Variants in ABCA7 observed in about 807,000 individuals in gnomAD.
ABCA7 encodes the protein phospholipid-transporting ATPase ABCA7.
Under a neutral mutation model 227.6 loss-of-function variants are expected in ABCA7, and 261 were observed. That is an observed-to-expected ratio of 1.15 (90% CI 1.04 to 1.27). The LOEUF is 1.27. Among genes scored for constraint, ABCA7 ranks in the 50% most tolerant of loss-of-function variants. ABCA7 has a pLI of 0.00. For synonymous variants in ABCA7, 1,488 were observed against 1,279.7 expected (o/e 1.16, Z -3.47); for missense variants, 3,331 against 2,924.5 (o/e 1.14, Z -3.21).
intron 10 of ABCA7, 104 bp downstream of exon 10, chr19:1,043,945 T>A (rs1254059733): frequency 6.1e-6 from 6 of 979,526 alleles, no homozygotes; most frequent in Non-Finnish European, 9.3e-6. Context: ...CACTTTTTTT[T>A]TTTTTTTTTT....
intron 40 of ABCA7, 51 bp from the exon 41 acceptor site, chr19:1,061,731 G>A (rs751386876): frequency 3.0e-5 from 44 of 1,480,394 alleles, no homozygotes; most frequent in African/African-American, 2.9e-5. Context: ...CAGAGATGCC[G>A]GAACCAGGGC....
chr19:1,057,530 G>T, intron 35 of ABCA7, 101 bp downstream of exon 35: 1 of 1,203,966 alleles, frequency 8.3e-7, no homozygotes, highest in Non-Finnish European at 1.2e-6. Flanking sequence ...CCAAGGAGAG[G>T]ATATGGAGGT....
rs1391468147 is a variant in ABCA7, at chr19:1,047,532, G to A, written c.2147G>A (p.Trp716Ter). The A allele has an allele frequency of 6.3e-7, 1 of 1,597,402 alleles. No individual in the cohort carries two copies. The highest frequency in any genetic ancestry group is 1.7e-5 in the Admixed American group (1 of 59,392). Residue 716 changes from tryptophan (W) to a stop codon, truncating the protein, a stop_gained, in exon 16 of 47, where the codon TGG becomes TAG. Transcript: ENST00000263094. LOFTEE classifies it high-confidence loss of function. ...GAGGAGCAGGGCGAGGGCGCGCAGT[G>A]GCACAACGTGGGCACCCGGCCTACG... ...LLEEQGEGAQWHNVGTRPTAD... is the reference protein window; with the variant it reads ...LLEEQGEGAQ
chr19:1,047,833 G>A (rs916323291), intron 16 of ABCA7, among the ~76,000 whole-genome samples, 179 bp downstream of exon 16: 18 of 152,190 alleles, frequency 1.2e-4, no homozygotes, highest in African/African-American at 3.4e-4. Context: ...GCCTGAGGCA[G>A]GTGGGCGGGG....
intron 10 of ABCA7, 37 bp from the exon 11 acceptor site, chr19:1,044,540 C>A: frequency 6.3e-7 from 1 of 1,592,520 alleles, no homozygotes; most frequent in Non-Finnish European, 8.6e-7. Flanking sequence ...AGCCACTGTG[C>A]CCGACCCAGA....
intron 13 of ABCA7, among the ~76,000 whole-genome samples, 190 bp from the exon 14 acceptor site, chr19:1,046,612 C>T (rs896584493): frequency 2.0e-5 from 3 of 152,144 alleles, no homozygotes; most frequent in Admixed American, 1.3e-4. Context: ...CTGGGGGCCC[C>T]CGGCGCAGGG....
At chr19:1,064,900 G>C (rs11666702) in intron 45 of ABCA7, 31 bp from the exon 46 acceptor site, 83,871 of 1,547,700 alleles carry the variant, frequency 0.054, 2,751 homozygotes, top group South Asian at 0.13. Flanking sequence ...GGAAAGGCCC[G>C]ATCCGGTAGC....
chr19:1,041,445 G>C lies in ABCA7; in HGVS notation c.66+18G>C, dbSNP rs374227476. 29 of 1,613,860 alleles carry C rather than the reference G, an allele frequency of 1.8e-5. No individual in the cohort carries two copies. The highest frequency in any genetic ancestry group is 2.5e-5 in the Non-Finnish European group (29 of 1,180,026). On this transcript the variant is annotated intron_variant, in intron 2 of 46. Transcript: ENST00000263094. ...GACAGCCGGTAACGCCCCAGTGTGA[G>C]ACCAGGGCCGGGTGGGCAGGCAGCC... is the stretch of plus-strand genomic sequence containing the variant.
rs746601758 is a variant in ABCA7 at position 1,055,058 on chromosome 19, C to T, written c.3951-39C>T. On this transcript the variant is annotated intron_variant, in intron 29 of 46. Transcript: ENST00000263094. ...GTGCCCACAGACCTTCACCTTGACCCTGCAGCGCCCTTGAGTGTGCACAGC... is the reference window on the plus strand; with the variant it reads ...GTGCCCACAGACCTTCACCTTGACCTTGCAGCGCCCTTGAGTGTGCACAGC... 8 of 1,579,242 alleles carry T rather than the reference C, an allele frequency of 5.1e-6. No individual in the cohort carries two copies. In the African/African-American group the frequency reaches 5.4e-5, roughly 11 times the overall value.
intron 40 of ABCA7, among the ~76,000 whole-genome samples, chr19:1,059,511 C>T (rs1413033458): frequency 1.3e-5 from 2 of 150,806 alleles, no homozygotes; most frequent in African/African-American, 2.4e-5. Context: ...GTGATCCACC[C>T]GCCTCAGCCT....
At chr19:1,040,586 G>T (rs1324373908) in intron 1 of ABCA7, among the ~76,000 whole-genome samples, 2 of 152,174 alleles carry the variant, frequency 1.3e-5, no homozygotes, top group African/African-American at 4.8e-5. Flanking sequence ...CTGCCCCTCT[G>T]TCAGCGTCAG....
rs1050335246 is a variant in ABCA7 at position 1,042,301 on chromosome 19, C to T, written c.416-14C>T. On this transcript the variant is annotated splice_polypyrimidine_tract_variant and intron_variant, in intron 5 of 46. Transcript: ENST00000263094. ...GTCCCCCCAGCCCCATGCTCCCGTG[C>T]GCTCCTCCCCCAGCCCAGCCTCAAC... 8 of 1,574,054 alleles carry T rather than the reference C, an allele frequency of 5.1e-6. No individual in the cohort carries two copies. The highest frequency in any genetic ancestry group is 6.9e-6 in the Non-Finnish European group (8 of 1,154,272).
At chr19:1,050,428 A>G (rs1040857044) in intron 18 of ABCA7, among the ~76,000 whole-genome samples, 5 of 140,608 alleles carry the variant, frequency 3.6e-5, no homozygotes, top group Non-Finnish European at 6.4e-5. Context: ...ATAAAAATAA[A>G]CAAATAAATA....
chr19:1,065,377 C>A lies in ABCA7; in HGVS notation c.6393C>A (p.Arg2131=). 6.2e-7 allele frequency: 1 copy of A among 1,613,608 alleles called. No homozygotes were observed. Among genetic ancestry groups the A allele is most frequent in the Non-Finnish European group, 8.5e-7 (1 of 1,179,994 alleles). The change falls in exon 47 of 47, where the codon CGC becomes CGA. Residue 2131 remains arginine, a synonymous_variant. Coordinates refer to ENST00000263094, the MANE Select transcript of ABCA7 (RefSeq NM_019112.4). ...CGCCAGGCCTGCAGCACCCCAAACG[C>A]GTCAGCCAGTTCCTCGATGACCCTA... ...DPAPGLQHPK[R]VSQFLDDPST...
At position 1,045,140 on chromosome 19, in the gene ABCA7, C is replaced by T. The variant is rs764421610; in HGVS notation, c.1354C>T (p.His452Tyr). The T allele has an allele frequency of 3.7e-6, 6 of 1,612,802 alleles. No individual in the cohort carries two copies. Among genetic ancestry groups the T allele is most frequent in the Admixed American group, 3.3e-5 (2 of 59,994 alleles). ...GPEDSSDPTE[H>Y]PTPDLGPGHV... ...TGAGGACTCTTCAGACCCCACAGAG[C>T]ACCCAACCCCAGACCTGGGCCCCGG... is the stretch of plus-strand genomic sequence containing the variant. Residue 452 changes from histidine to tyrosine, a missense_variant, in exon 12 of 47, where the codon CAC becomes TAC. Coordinates refer to ENST00000263094, the MANE Select transcript of ABCA7 (RefSeq NM_019112.4).
rs1447775858 is a variant in ABCA7 at position 1,064,947 on chromosome 19, A to G, written c.6061A>G (p.Thr2021Ala). 6.5e-7 allele frequency: 1 copy of G among 1,545,400 alleles called. No individual in the cohort carries two copies. Among genetic ancestry groups the G allele is most frequent in the African/African-American group, 1.4e-5 (1 of 72,780 alleles). The change falls in exon 46 of 47, where the codon ACA becomes GCA. Residue 2021 changes from threonine to alanine, a missense_variant. Thr to Ala is a moderately conservative substitution (Grantham distance 58). Coordinates refer to ENST00000263094, the MANE Select transcript of ABCA7 (RefSeq NM_019112.4). The part of the protein sequence containing the change: ...HLKGRFAAGH[T>A]LTLRVPAARS... Reference sequence around the variant, plus strand: ...TCACTGCAGATTCGCGGCGGGTCACACACTGACCCTGCGGGTGCCCGCCGC... The same window carrying G: ...TCACTGCAGATTCGCGGCGGGTCACGCACTGACCCTGCGGGTGCCCGCCGC...
chr19:1,059,641 A>G (rs1409892247), intron 40 of ABCA7, among the ~76,000 whole-genome samples: 36 of 118,722 alleles, frequency 3.0e-4, no homozygotes, highest in South Asian at 8.6e-4. Flanking sequence ...TCGGCTCACT[A>G]CAAGCTCCAC....
rs756410227 is a variant in ABCA7, at chr19:1,052,092, T to C, written c.3113T>C (p.Val1038Ala). The change falls in exon 22 of 47, where the codon GTG (valine) becomes GCG (alanine). Residue 1038 changes from valine (V) to alanine (A), a missense_variant. Val to Ala is a moderately conservative substitution (Grantham distance 64). Coordinates refer to ENST00000263094, the MANE Select transcript of ABCA7 (RefSeq NM_019112.4). ...HLGSGYYLTL[V>A]KARLPLTTNE... Reference sequence around the variant, plus strand: ...GGCTCCGGCTACTACCTGACGCTGGTGAAGGCCCGCCTGCCCCTGACCACC... The same window carrying C: ...GGCTCCGGCTACTACCTGACGCTGGCGAAGGCCCGCCTGCCCCTGACCACC... 5.6e-6 allele frequency: 9 copies of C among 1,611,962 alleles called. No homozygotes were observed. The African/African-American group carries it at 1.1e-4, about 19-fold the overall frequency.
chr19:1,061,412 AG>A (rs1568413709), intron 40 of ABCA7, among the ~76,000 whole-genome samples: 16 of 146,490 alleles, frequency 1.1e-4, no homozygotes, highest in African/African-American at 4.2e-4. Flanking sequence ...AAAAAAAAAA[AG>A]AGGCTGGGTG....
Sources: allele counts gnomAD v4.1 joint callset (sites outside exome capture counted in the v4.1 genomes callset), GRCh38; gene constraint gnomAD v4.1.1; transcripts MANE v1.5; gene names NCBI Gene and HGNC (gene_info 2026-07-23, HGNC 2026-07-21).